The following GALNTL6 variants were observed in gnomAD, a reference collection of about 807,000 sequenced individuals.
GALNTL6 encodes the protein polypeptide N-acetylgalactosaminyltransferase-like 6.
GALNTL6 carries 46 observed loss-of-function variants against 73.7 expected under a neutral mutation model. The observed-to-expected ratio is 0.62, with a 90% CI of 0.49 to 0.80. The LOEUF (loss-of-function observed/expected upper bound fraction) is 0.80. Ranked by LOEUF, GALNTL6 falls within the 30% of genes least tolerant of loss-of-function variation. The pLI, the probability that GALNTL6 is intolerant of heterozygous loss-of-function variation, is 0.00. For missense variants in GALNTL6, 604 were observed against 755.0 expected (o/e 0.80, Z 2.34); for synonymous variants, 259 against 263.7 (o/e 0.98, Z 0.17).
intron 5 of GALNTL6, among the ~76,000 whole-genome samples, chr4:172,494,337 A>G (rs182227870): frequency 6.6e-6 from 1 of 152,312 alleles, no homozygotes; most frequent in African/African-American, 2.4e-5. Flanking sequence ...GATTCACAGC[A>G]TCAGGATACA....
intron 10 of GALNTL6, among the ~76,000 whole-genome samples, chr4:172,993,905 G>A (rs1751656473): frequency 6.6e-6 from 1 of 152,134 alleles, no homozygotes; most frequent in Non-Finnish European, 1.5e-5. Flanking sequence ...CTGGGCAACA[G>A]CAGAGAAACT....
chr4:172,173,017 A>G (rs1478029231), intron 2 of GALNTL6, among the ~76,000 whole-genome samples: 1 of 152,236 alleles, frequency 6.6e-6, no homozygotes, highest in Non-Finnish European at 1.5e-5. Context: ...CTTTGCCCAC[A>G]TCATAGCAGC....
intron 2 of GALNTL6, among the ~76,000 whole-genome samples, chr4:172,138,513 A>T (rs28595162): frequency 0.028 from 215 of 7,794 alleles, 10 homozygotes; most frequent in Admixed American, 0.045. Flanking sequence ...ATATATATAT[A>T]TTTTTTTTTT....
chr4:172,492,894 T>A (rs1370225843), intron 5 of GALNTL6, among the ~76,000 whole-genome samples: 1 of 152,168 alleles, frequency 6.6e-6, no homozygotes, highest in Non-Finnish European at 1.5e-5. Flanking sequence ...ATAGTTCAAG[T>A]CACCAAATTT....
intron 5 of GALNTL6, among the ~76,000 whole-genome samples, chr4:172,676,628 A>G (rs1258183718): frequency 6.6e-6 from 1 of 152,124 alleles, no homozygotes; most frequent in African/African-American, 2.4e-5. Flanking sequence ...TTAGACATAT[A>G]TTACTCCAAC....
intron 5 of GALNTL6, among the ~76,000 whole-genome samples, chr4:172,791,368 A>G (rs76224423): frequency 0.04 from 6,148 of 152,274 alleles, 401 homozygotes; most frequent in African/African-American, 0.14. Flanking sequence ...TCCTCCATTG[A>G]AAATATAGAA....
chr4:172,023,031 G>C (rs1335220482), intron 2 of GALNTL6, among the ~76,000 whole-genome samples: 1 of 151,838 alleles, frequency 6.6e-6, no homozygotes, highest in Admixed American at 6.6e-5. Flanking sequence ...TCTACCAAAT[G>C]CAAGAATCCA....
chr4:172,308,013 T>TTTTA, intron 3 of GALNTL6, among the ~76,000 whole-genome samples: 7 of 134,472 alleles, frequency 5.2e-5, no homozygotes, highest in Non-Finnish European at 8.0e-5. Flanking sequence ...CTTTTTTTTT[T>TTTTA]TTTTTTTTTT....
intron 5 of GALNTL6, among the ~76,000 whole-genome samples, chr4:172,416,474 T>G (rs1403950191): frequency 1.3e-5 from 2 of 152,202 alleles, no homozygotes; most frequent in African/African-American, 4.8e-5. Context: ...ATTACTGTAC[T>G]CAATTTTTCA....
intron 5 of GALNTL6, among the ~76,000 whole-genome samples, chr4:172,671,420 C>T (rs1234759426): frequency 6.6e-6 from 1 of 152,016 alleles, no homozygotes; most frequent in Non-Finnish European, 1.5e-5. Context: ...GTTTGTGTGG[C>T]AACTGTGAAT....
chr4:172,774,959 C>CAATAATAAT (rs57591714), intron 5 of GALNTL6, among the ~76,000 whole-genome samples: 5,013 of 140,564 alleles, frequency 0.036, 262 homozygotes, highest in African/African-American at 0.12. Context: ...GGCTCCATCT[C>CAATAATAAT]AATAATAATA....
chr4:172,499,907 G>A (rs1043297303), intron 5 of GALNTL6, among the ~76,000 whole-genome samples: 5 of 152,222 alleles, frequency 3.3e-5, no homozygotes, highest in South Asian at 2.1e-4. Context: ...AGGGAACTAC[G>A]TAAGAGTAGC....
At chr4:172,679,528 G>C (rs968731055) in intron 5 of GALNTL6, among the ~76,000 whole-genome samples, 2 of 151,700 alleles carry the variant, frequency 1.3e-5, no homozygotes, top group Non-Finnish European at 2.9e-5. Flanking sequence ...TGGGCCTATT[G>C]CTTCTGAAGT....
At position 171,959,093 on chromosome 4, in the gene GALNTL6, C is replaced by A. The variant is rs185429272; in HGVS notation, c.138+144375C>A. Reference sequence around the variant, plus strand: ...TCTGTGTTCAACTTAGTAAGTAAAACTTTTTATATTTGTAGTAAGGAAGAA... The same window carrying A: ...TCTGTGTTCAACTTAGTAAGTAAAAATTTTTATATTTGTAGTAAGGAAGAA... On this transcript the variant is annotated intron_variant, in intron 2 of 12. Coordinates refer to ENST00000506823, the MANE Select transcript of GALNTL6 (RefSeq NM_001034845.3). 2.7e-3 allele frequency among the ~76,000 whole-genome samples: 418 copies of A among 152,162 alleles called. 1 individual carries two copies. Among genetic ancestry groups the A allele is most frequent in the African/African-American group, 9.5e-3 (396 of 41,538 alleles).
At chr4:172,043,378 G>C (rs1742139730) in intron 2 of GALNTL6, among the ~76,000 whole-genome samples, 1 of 151,966 alleles carries the variant, frequency 6.6e-6, no homozygotes, top group East Asian at 1.9e-4. Flanking sequence ...GCAATTAAAG[G>C]TAGGGAAAAC....
At chr4:172,128,099 G>A (rs764334869) in intron 2 of GALNTL6, among the ~76,000 whole-genome samples, 7 of 151,312 alleles carry the variant, frequency 4.6e-5, no homozygotes, top group African/African-American at 1.7e-4. Context: ...ACAAGATTCC[G>A]TCTCAAAAAA....
At chr4:172,547,376 G>A (rs1456330468) in intron 5 of GALNTL6, among the ~76,000 whole-genome samples, 1 of 152,000 alleles carries the variant, frequency 6.6e-6, no homozygotes, top group South Asian at 2.1e-4. Flanking sequence ...CATCTATTTT[G>A]AGCAGATTTT....
chr4:172,272,834 T>C (rs1267597537), intron 3 of GALNTL6, among the ~76,000 whole-genome samples: 2 of 152,186 alleles, frequency 1.3e-5, no homozygotes, highest in Non-Finnish European at 2.9e-5. Context: ...ACTATTTTTA[T>C]GTTCCTCCTG....
intron 5 of GALNTL6, among the ~76,000 whole-genome samples, chr4:172,590,827 T>C (rs1737608147): frequency 6.6e-6 from 1 of 152,036 alleles, no homozygotes; most frequent in Non-Finnish European, 1.5e-5. Context: ...TAATAATAGC[T>C]CCTGTAAAAT....
Sources: allele counts gnomAD v4.1 joint callset (sites outside exome capture counted in the v4.1 genomes callset), GRCh38; gene constraint gnomAD v4.1.1; transcripts MANE v1.5; gene names NCBI Gene and HGNC (gene_info 2026-07-23, HGNC 2026-07-21).